The following ATP5F1A variants were observed in gnomAD, a reference collection of about 807,000 sequenced individuals.
ATP5F1A encodes ATP synthase F1 subunit alpha, also known as ATP synthase F(1) complex subunit alpha, mitochondrial.
A neutral mutation model predicts 57.4 loss-of-function variants in ATP5F1A; 24 were observed. The ratio of observed to expected loss-of-function variants is 0.42; its 90% CI spans 0.30 to 0.59. The LOEUF is 0.59. Ranked by LOEUF, ATP5F1A falls within the 20% of genes least tolerant of loss-of-function variation. The probability of loss-of-function intolerance (pLI) is 0.19; values close to 1 mark genes in which losing one functional copy is unlikely to be tolerated. For missense variants in ATP5F1A, 494 were observed against 707.9 expected, an observed-to-expected ratio of 0.70 and a Z score of 3.43; for synonymous variants, 251 against 255.5, an observed-to-expected ratio of 0.98 and a Z score of 0.17.
chr18:46,086,017 G>C (rs753855035), intron 10 of ATP5F1A, 96 bp downstream of exon 10: 66 of 1,325,370 alleles, frequency 5.0e-5, no homozygotes, highest in Non-Finnish European at 6.6e-5. Flanking sequence ...ATAACAACAC[G>C]TAGTACAGGC....
At chr18:46,090,092 G>GGT in intron 3 of ATP5F1A, 96 bp from the exon 4 acceptor site, 2 of 512,012 alleles carry the variant, frequency 3.9e-6, no homozygotes, top group Non-Finnish European at 6.2e-6. Flanking sequence ...GGGTGGGGGG[G>GGT]GAAGCAGTAT....
At chr18:46,098,478 T>A, upstream of ATP5F1A, 1 of 1,238,708 alleles carries the variant, frequency 8.1e-7, no homozygotes, top group Non-Finnish European at 1.0e-6. Flanking sequence ...ATTCCGGCTT[T>A]GGTCCTGGCA....
At chr18:46,089,112 T>G (rs1390779201) in intron 5 of ATP5F1A, among the ~76,000 whole-genome samples, 1 of 151,764 alleles carries the variant, frequency 6.6e-6, no homozygotes, top group Non-Finnish European at 1.5e-5. Context: ...ATAGTAGAGA[T>G]AGTGATCAAT....
chr18:46,086,670 C>A, intron 8 of ATP5F1A, 176 bp from the exon 9 acceptor site: 1 of 625,486 alleles, frequency 1.6e-6, no homozygotes, highest in Non-Finnish European at 2.7e-6. Flanking sequence ...AGGAGATGTG[C>A]ATGAGATGAG....
At chr18:46,089,429 C>T (rs931003651) in intron 5 of ATP5F1A, 137 bp downstream of exon 5, 1 of 1,094,752 alleles carries the variant, frequency 9.1e-7, no homozygotes, top group Non-Finnish European at 1.3e-6. Flanking sequence ...CCCTTCACTT[C>T]CCAGCTGAAA....
Position 46,087,486 on chromosome 18 carries a change from A to G in ATP5F1A, c.806T>C (p.Met269Thr). ...LVKRLTDADA[M>T]KYTIVVSATA... ...AGCCGACACCACAATGGTGTACTTC[A>G]TGGCATCTGAGAAAATATATTTTAC... The change falls in exon 7 of 12, where the codon ATG becomes ACG. Residue 269 changes from methionine to threonine, a missense_variant. By Grantham distance (81) the Met-to-Thr change is moderately conservative (BLOSUM62 -1). Transcript: ENST00000398752. 6.2e-7 allele frequency: 1 copy of G among 1,612,054 alleles called. No individual in the cohort carries two copies. Among genetic ancestry groups the G allele is most frequent in the East Asian group, 2.2e-5 (1 of 44,882 alleles).
chr18:46,089,267 T>A (rs1910364912), intron 5 of ATP5F1A, among the ~76,000 whole-genome samples: 1 of 152,220 alleles, frequency 6.6e-6, no homozygotes, highest in Non-Finnish European at 1.5e-5. Flanking sequence ...TGACGAGAAA[T>A]ACTCACAGGT....
At chr18:46,087,752 C>T (rs537630323) in intron 6 of ATP5F1A, 42 of 453,444 alleles carry the variant, frequency 9.3e-5, no homozygotes, top group African/African-American at 7.3e-4. Flanking sequence ...TGGTGGCATG[C>T]ACCTGTAATC....
chr18:46,094,147 G>A (rs1407310674), intron 2 of ATP5F1A, among the ~76,000 whole-genome samples: 3 of 139,826 alleles, frequency 2.1e-5, no homozygotes, highest in African/African-American at 8.3e-5. Context: ...TGCTGAACGT[G>A]GGGGTGTGTG....
chr18:46,103,796 C>T (rs1911364689), intron 1 of ATP5F1A, among the ~76,000 whole-genome samples: 1 of 151,820 alleles, frequency 6.6e-6, no homozygotes, highest in South Asian at 2.1e-4. Flanking sequence ...TGCCCGTAGT[C>T]CCAGCTACTT....
Position 46,087,007 on chromosome 18 carries a change from C to T in ATP5F1A, c.1176+1G>A. The T allele has an allele frequency of 6.2e-7, 1 of 1,613,416 alleles. No homozygotes were observed. The highest frequency in any genetic ancestry group is 8.5e-7 in the Non-Finnish European group (1 of 1,179,412). ...ATTTCTTTTAATCATTAAAATAATA[C>T]CTGTCCGTCAGTGATGGAAATGACA... On this transcript the variant is annotated splice_donor_variant, in intron 8 of 11. Transcript: ENST00000398752. LOFTEE classifies it high-confidence loss of function.
Position 46,080,525 on chromosome 18 carries a change from T to C in ATP5F1A, c.*3757A>G, listed in dbSNP as rs896523791. 2.6e-5 allele frequency: 4 copies of C among 152,190 alleles called. No individual in the cohort carries two copies. Among genetic ancestry groups the C allele is most frequent in the Non-Finnish European group, 4.4e-5 (3 of 68,050 alleles). The allele number at this position is 152,190 out of a possible 1,614,324, so 9.4% of individuals were successfully genotyped here. A position where few individuals can be genotyped will look rare whatever the true frequency, so the allele number is the denominator to read the frequency against. On this transcript the variant is annotated 3_prime_UTR_variant, in exon 12 of 12. Coordinates refer to ENST00000398752, the MANE Select transcript of ATP5F1A (RefSeq NM_004046.6). ...AGCAGTATTTGAATCTCATGGTTCA[T>C]TGCTGTAACAGAAAGGGCTGGACTC...
At chr18:46,096,982 C>CAAA (rs71160709) in intron 1 of ATP5F1A, among the ~76,000 whole-genome samples, 34 of 75,124 alleles carry the variant, frequency 4.5e-4, no homozygotes, top group African/African-American at 1.0e-3. Flanking sequence ...GACACCATCT[C>CAAA]AAAAAAAAAA....
At chr18:46,091,883 A>C (rs776260803) in intron 2 of ATP5F1A, 32 bp from the exon 3 acceptor site, 4 of 1,593,160 alleles carry the variant, frequency 2.5e-6, no homozygotes, top group Non-Finnish European at 3.4e-6. Flanking sequence ...AATTAAAAAA[A>C]TAATCTGGGC....
Position 46,086,225 on chromosome 18 carries a change from C to T in ATP5F1A, c.1317G>A (p.Gln439=), listed in dbSNP as rs755324776. The stretch of plus-strand genomic sequence containing the variant: ...GGGCAAAAGCAGCAACCTCACGATA[C>T]TGAGCCAATTCCAGCTTCATGGTAC... ...VAGTMKLELA[Q]YREVAAFAQF... The change falls in exon 10 of 12, where the codon CAG becomes CAA. Residue 439 remains glutamine (Q), a synonymous_variant. Transcript: ENST00000398752. 4 of 1,613,524 alleles carry T rather than the reference C, an allele frequency of 2.5e-6. No individual in the cohort carries two copies. Among genetic ancestry groups the T allele is most frequent in the African/African-American group, 2.7e-5 (2 of 75,018 alleles).
chr18:46,095,552 A>G (rs1017853802), intron 1 of ATP5F1A, among the ~76,000 whole-genome samples: 9 of 151,710 alleles, frequency 5.9e-5, no homozygotes, highest in Non-Finnish European at 7.4e-5. Flanking sequence ...CCTGACCTCA[A>G]GTGATCCACC....
At chr18:46,102,326 T>A (rs957981750), upstream of ATP5F1A, among the ~76,000 whole-genome samples, 1 of 149,036 alleles carries the variant, frequency 6.7e-6, no homozygotes, top group East Asian at 2.0e-4. Context: ...TTAGTTTTTG[T>A]TTTTTTTTGT....
At chr18:46,101,426 G>A (rs1342923901), upstream of ATP5F1A, among the ~76,000 whole-genome samples, 5 of 152,004 alleles carry the variant, frequency 3.3e-5, no homozygotes, top group East Asian at 7.8e-4. Context: ...TTAGCTGGGG[G>A]TGGTGGTGCA....
At chr18:46,086,079 G>A (rs1413467566) in intron 10 of ATP5F1A, 34 bp downstream of exon 10, 2 of 1,605,358 alleles carry the variant, frequency 1.2e-6, no homozygotes, top group South Asian at 1.1e-5. Flanking sequence ...ATACACAATA[G>A]GAACCTGACC....
Sources: allele counts gnomAD v4.1 joint callset (sites outside exome capture counted in the v4.1 genomes callset), GRCh38; gene constraint gnomAD v4.1.1; transcripts MANE v1.5; gene names NCBI Gene and HGNC (gene_info 2026-07-23, HGNC 2026-07-21).